Variants in NRCAM observed in about 807,000 individuals in gnomAD.
The protein encoded by NRCAM is neuronal cell adhesion molecule, also known as NgCAM-related cell adhesion molecule.
In NRCAM, 83 loss-of-function variants were observed where a neutral mutation model predicts 156.5. The observed-to-expected ratio is 0.53, with a 90% CI of 0.44 to 0.64. The LOEUF (loss-of-function observed/expected upper bound fraction) is 0.64. Among genes scored for constraint, NRCAM ranks in the 30% least tolerant of loss-of-function variants. NRCAM has a pLI of 0.00. For synonymous variants in NRCAM, 538 were observed against 563.9 expected (o/e 0.95, Z 0.65); for missense variants, 1,417 against 1,597.3 (o/e 0.89, Z 1.92).
intron 22 of NRCAM, 104 bp downstream of exon 22, chr7:108,184,136 TC>T (rs1051998035): frequency 3.0e-6 from 2 of 662,122 alleles, no homozygotes; most frequent in East Asian, 3.0e-5. Flanking sequence ...ATATTTTTTT[TC>T]CCCAGAAATA....
At chr7:108,438,192 C>T (rs905114784) in intron 1 of NRCAM, among the ~76,000 whole-genome samples, 1 of 152,038 alleles carries the variant, frequency 6.6e-6, no homozygotes, top group Admixed American at 6.6e-5. Context: ...GCCAGTTTTA[C>T]TCTGGTAACA....
At chr7:108,181,970 C>A (rs765014467) in intron 23 of NRCAM, 33 bp from the exon 24 acceptor site, 3 of 1,498,400 alleles carry the variant, frequency 2.0e-6, no homozygotes, top group African/African-American at 2.8e-5. Flanking sequence ...GTAGAAGTAT[C>A]AATGTTATTT....
chr7:108,337,664 A>C (rs1420865834), intron 2 of NRCAM, among the ~76,000 whole-genome samples: 1 of 152,158 alleles, frequency 6.6e-6, no homozygotes, highest in African/African-American at 2.4e-5. Context: ...CGCAAGGCCC[A>C]AGATTCCATT....
chr7:108,381,834 T>C (rs2099703008), intron 2 of NRCAM, among the ~76,000 whole-genome samples: 1 of 152,150 alleles, frequency 6.6e-6, no homozygotes, highest in African/African-American at 2.4e-5. Context: ...GTGCTGGGAT[T>C]ACAGCCGTGA....
At position 108,369,472 on chromosome 7, in the gene NRCAM, A is replaced by G. The variant is rs1419847385; in HGVS notation, c.-174+29964T>C. ...AATCACTTTTTAAATTCATTTAATTAAATTCTGTTTCTAAAGAGAAACCAG... is the reference window on the plus strand; with the variant it reads ...AATCACTTTTTAAATTCATTTAATTGAATTCTGTTTCTAAAGAGAAACCAG... On this transcript the variant is annotated intron_variant, in intron 2 of 32. Transcript: ENST00000379028. Among the ~76,000 whole-genome samples, 6 of 152,292 alleles carry G rather than the reference A, an allele frequency of 3.9e-5. No homozygotes were observed. The East Asian group carries it at 1.2e-3, about 29-fold the overall frequency.
chr7:108,169,418 C>T (rs1373870140), intron 28 of NRCAM, among the ~76,000 whole-genome samples: 1 of 152,076 alleles, frequency 6.6e-6, no homozygotes, highest in Non-Finnish European at 1.5e-5. Flanking sequence ...AATCAGACAG[C>T]ATCAATAGGT....
chr7:108,285,448 A>G (rs1391932525), intron 3 of NRCAM, among the ~76,000 whole-genome samples: 2 of 152,250 alleles, frequency 1.3e-5, no homozygotes, highest in Non-Finnish European at 1.5e-5. Flanking sequence ...AGTTTTCAAA[A>G]TGGATATTTG....
intron 3 of NRCAM, among the ~76,000 whole-genome samples, chr7:108,309,570 A>G (rs1232270655): frequency 6.6e-6 from 1 of 152,164 alleles, no homozygotes; most frequent in Non-Finnish European, 1.5e-5. Flanking sequence ...ATTGTATTAA[A>G]AATTGGCCAG....
chr7:108,157,016 A>C (rs540947063), intron 32 of NRCAM, among the ~76,000 whole-genome samples: 1 of 152,234 alleles, frequency 6.6e-6, no homozygotes, highest in South Asian at 2.1e-4. Context: ...TATCTTTGTA[A>C]ATCAAAGTAA....
chr7:108,184,124 A>ATT, intron 22 of NRCAM, 117 bp downstream of exon 22: 1 of 557,356 alleles, frequency 1.8e-6, no homozygotes, highest in African/African-American at 2.4e-5. Flanking sequence ...ATATATATAT[A>ATT]TATATTTTTT....
Position 108,408,098 on chromosome 7 carries a change from ATT to A in NRCAM, c.-331-8507_-331-8506del, listed in dbSNP as rs1189114048. Among the ~76,000 whole-genome samples, 2 of 152,170 alleles carry A rather than the reference ATT, an allele frequency of 1.3e-5. 1 individual carries two copies. Among genetic ancestry groups the A allele is most frequent in the African/African-American group, 4.8e-5 (2 of 41,432 alleles). On this transcript the variant is annotated intron_variant, in intron 1 of 32. Coordinates refer to ENST00000379028, the MANE Select transcript of NRCAM (RefSeq NM_001037132.4). ...CATTTTCAACTACAAACAATAACAG[ATT>A]TGTTTTCTTTTTTTAAAAAAACTGC...
intron 2 of NRCAM, among the ~76,000 whole-genome samples, chr7:108,374,436 T>C (rs576734027): frequency 6.6e-6 from 1 of 152,018 alleles, no homozygotes; most frequent in Non-Finnish European, 1.5e-5. Context: ...AATGTAGTAA[T>C]ACCTGGAGCA....
At chr7:108,406,096 T>C (rs1293235303) in intron 1 of NRCAM, among the ~76,000 whole-genome samples, 1 of 151,540 alleles carries the variant, frequency 6.6e-6, no homozygotes, top group East Asian at 1.9e-4. Flanking sequence ...AGCACAGGGG[T>C]AAGGGTGTGA....
chr7:108,177,864 G>T, intron 26 of NRCAM, 126 bp downstream of exon 26: 1 of 765,206 alleles, frequency 1.3e-6, no homozygotes, highest in Non-Finnish European at 2.0e-6. Context: ...GAATTCCCCT[G>T]ATCTGATCAC....
intron 2 of NRCAM, among the ~76,000 whole-genome samples, chr7:108,339,744 G>A (rs1033855426): frequency 3.9e-5 from 6 of 152,270 alleles, no homozygotes; most frequent in Non-Finnish European, 7.4e-5. Flanking sequence ...GACGCTCTAC[G>A]ACTAATGCTC....
At chr7:108,320,158 A>T (rs1181331136) in intron 2 of NRCAM, among the ~76,000 whole-genome samples, 2 of 152,188 alleles carry the variant, frequency 1.3e-5, no homozygotes, top group African/African-American at 4.8e-5. Context: ...TTGATCAAAC[A>T]TAGTCTCTTG....
Position 108,225,644 on chromosome 7 carries a change from C to T in NRCAM, c.778+1G>A. The T allele has an allele frequency of 6.4e-7, 1 of 1,573,242 alleles. No homozygotes were observed. The highest frequency in any genetic ancestry group is 8.7e-7 in the Non-Finnish European group (1 of 1,143,156). Reference sequence around the variant, plus strand: ...TATCAGTTACAATCACCATAACTCACCACCATAAAACTCAGTGTCACTCAA... The same window carrying T: ...TATCAGTTACAATCACCATAACTCATCACCATAAAACTCAGTGTCACTCAA... On this transcript the variant is annotated splice_donor_variant, in intron 10 of 32. Coordinates refer to ENST00000379028, the MANE Select transcript of NRCAM (RefSeq NM_001037132.4). LOFTEE classifies it high-confidence loss of function.
chr7:108,292,886 C>T (rs1031816811), intron 3 of NRCAM, among the ~76,000 whole-genome samples: 9 of 152,068 alleles, frequency 5.9e-5, no homozygotes, highest in African/African-American at 2.2e-4. Flanking sequence ...CTAAATCCAG[C>T]AAATCTCCTA....
intron 2 of NRCAM, among the ~76,000 whole-genome samples, chr7:108,368,437 C>T (rs1595380808): frequency 6.6e-6 from 1 of 151,870 alleles, no homozygotes; most frequent in African/African-American, 2.4e-5. Flanking sequence ...TTCTGAAATA[C>T]AGTAAAAAAT....
Sources: gnomAD v4.1 joint callset for allele counts (sites outside exome capture counted in the v4.1 genomes callset) on GRCh38, gnomAD v4.1.1 for gene constraint, MANE v1.5 for transcripts, NCBI Gene and HGNC (gene_info 2026-07-23, HGNC 2026-07-21) for gene names.